Variants in NXPE4 observed in about 807,000 individuals in gnomAD.
NXPE4 encodes the protein NXPE family member 4.
Under a neutral mutation model 33.3 loss-of-function variants are expected in NXPE4, and 42 were observed. The observed-to-expected ratio is 1.26, with a 90% CI of 0.98 to 1.63. The LOEUF (loss-of-function observed/expected upper bound fraction) is 1.63, where lower values mean the gene tolerates loss of function less well. Ranked by LOEUF, NXPE4 falls within the 40% of genes most tolerant of loss-of-function variation. The pLI is 0.00. For missense variants in NXPE4, 709 were observed against 647.6 expected (o/e 1.09, Z -1.03); for synonymous variants, 253 against 234.9 (o/e 1.08, Z -0.71).
the NXPE4 span, among the ~76,000 whole-genome samples, chr11:114,671,287 G>A: frequency 6.6e-6 from 1 of 151,364 alleles, no homozygotes; most frequent in Admixed American, 6.6e-5. Flanking sequence ...TAGATCTTTA[G>A]AGAAATACGG....
At chr11:114,616,145 C>T in the NXPE4 span, among the ~76,000 whole-genome samples, 182 of 151,640 alleles carry the variant, frequency 1.2e-3, 1 homozygote, top group South Asian at 9.1e-3. Context: ...ATAAGTATTG[C>T]CTCGTGGGTA....
At chr11:114,669,575 G>A in the NXPE4 span, among the ~76,000 whole-genome samples, 53 of 152,150 alleles carry the variant, frequency 3.5e-4, no homozygotes, top group African/African-American at 1.2e-3. Flanking sequence ...AGGTTTGATG[G>A]ACTGAGAATA....
the NXPE4 span, among the ~76,000 whole-genome samples, chr11:114,617,160 C>T: frequency 5.9e-5 from 9 of 151,714 alleles, no homozygotes; most frequent in Non-Finnish European, 1.3e-4. Context: ...TTGTGGGTAA[C>T]CATTGTTACC....
chr11:114,661,885 T>C, the NXPE4 span, among the ~76,000 whole-genome samples: 11 of 152,150 alleles, frequency 7.2e-5, no homozygotes, highest in African/African-American at 2.7e-4. Context: ...ATATGGTCAA[T>C]GGGTTTTTGA....
chr11:114,623,792 C>T, the NXPE4 span, among the ~76,000 whole-genome samples: 13 of 152,054 alleles, frequency 8.5e-5, no homozygotes. Context: ...CACTCTTACC[C>T]TATGGATAAC....
chr11:114,637,898 T>G, the NXPE4 span, among the ~76,000 whole-genome samples: 1 of 151,964 alleles, frequency 6.6e-6, no homozygotes. Context: ...CCCTTAACAT[T>G]TTTTCCTTCC....
chr11:114,606,329 ATAAG>A, the NXPE4 span, among the ~76,000 whole-genome samples: 1 of 151,544 alleles, frequency 6.6e-6, no homozygotes, highest in Non-Finnish European at 1.5e-5. Flanking sequence ...CCAGTGGATA[ATAAG>A]TGTTACCTTG....
At chr11:114,588,486 G>A (rs1449383646) in intron 2 of NXPE4, among the ~76,000 whole-genome samples, 1 of 152,122 alleles carries the variant, frequency 6.6e-6, no homozygotes, top group Admixed American at 6.6e-5. Context: ...AGGCAGCTCT[G>A]CAGGCAGGGG....
At chr11:114,675,817 G>A in the NXPE4 span, among the ~76,000 whole-genome samples, 1 of 151,872 alleles carries the variant, frequency 6.6e-6, no homozygotes, top group Admixed American at 6.6e-5. Context: ...TAATATCAAA[G>A]CTGGAAATAT....
chr11:114,581,000 G>C (rs1949132204), intron 4 of NXPE4, among the ~76,000 whole-genome samples: 1 of 152,184 alleles, frequency 6.6e-6, no homozygotes, highest in Admixed American at 6.5e-5. Context: ...ATTTTAATAA[G>C]TGGGATGAGT....
upstream of NXPE4, among the ~76,000 whole-genome samples, chr11:114,599,166 A>G (rs1949611150): frequency 1.3e-5 from 2 of 152,276 alleles, no homozygotes; most frequent in Middle Eastern, 6.8e-3. Context: ...ACCTTAAATC[A>G]TCACTTTCAA....
chr11:114,633,271 GTAT>G, the NXPE4 span, among the ~76,000 whole-genome samples: 51 of 132,900 alleles, frequency 3.8e-4, 1 homozygote, highest in South Asian at 1.8e-3. Context: ...ATGTTATATA[GTAT>G]TATGTTATAT....
the NXPE4 span, among the ~76,000 whole-genome samples, chr11:114,638,913 G>C: frequency 6.6e-6 from 1 of 151,946 alleles, no homozygotes; most frequent in African/African-American, 2.4e-5. Context: ...TGGGGGTCAG[G>C]GGTCAGGGAC....
chr11:114,635,027 G>T, the NXPE4 span, among the ~76,000 whole-genome samples: 7 of 151,954 alleles, frequency 4.6e-5, no homozygotes, highest in Non-Finnish European at 1.0e-4. Flanking sequence ...TGATGGGGAT[G>T]GCATTGAGTC....
the NXPE4 span, among the ~76,000 whole-genome samples, chr11:114,675,928 C>A: frequency 1.3e-5 from 2 of 151,698 alleles, no homozygotes; most frequent in Non-Finnish European, 2.9e-5. Context: ...CAAATAGAGA[C>A]CCCAGAAATA....
chr11:114,601,642 TATAATTATATATTATAA>T, the NXPE4 span, among the ~76,000 whole-genome samples: 1 of 84,374 alleles, frequency 1.2e-5, no homozygotes, highest in South Asian at 3.1e-4. Flanking sequence ...TATAATTATA[TATAATTATATATTATAA>T]ATAATTATAT....
the NXPE4 span, among the ~76,000 whole-genome samples, chr11:114,649,131 G>GTTT: frequency 6.9e-6 from 1 of 145,148 alleles, no homozygotes; most frequent in Non-Finnish European, 1.5e-5. Flanking sequence ...AGCTTGTCAT[G>GTTT]TTTTTTTTTT....
the NXPE4 span, among the ~76,000 whole-genome samples, chr11:114,625,140 A>T: frequency 2.6e-5 from 4 of 152,222 alleles, no homozygotes; most frequent in East Asian, 7.7e-4. Flanking sequence ...TAATGACTGG[A>T]TAATAAGTAT....
the NXPE4 span, among the ~76,000 whole-genome samples, chr11:114,601,722 A>ACT: frequency 1.4e-5 from 1 of 72,440 alleles, no homozygotes; most frequent in Non-Finnish European, 2.3e-5. Flanking sequence ...TATATATTAT[A>ACT]ATTATATATT....
Sources: allele counts gnomAD v4.1 joint callset (sites outside exome capture counted in the v4.1 genomes callset), GRCh38; gene constraint gnomAD v4.1.1; transcripts MANE v1.5; gene names NCBI Gene and HGNC (gene_info 2026-07-23, HGNC 2026-07-21).